Variants in TBC1D5 observed in about 807,000 individuals in gnomAD.
TBC1D5 encodes the protein TBC1 domain family member 5, also known as TBC1 domain family, member 5.
In TBC1D5, 75 loss-of-function variants were observed where a neutral mutation model predicts 100.3. The ratio of observed to expected loss-of-function variants is 0.75; its 90% confidence interval spans 0.62 to 0.91. The LOEUF (loss-of-function observed/expected upper bound fraction) is 0.91. Among genes scored for constraint, TBC1D5 ranks in the 40% least tolerant of loss-of-function variants. TBC1D5 has a pLI of 0.00. For synonymous variants in TBC1D5, 323 were observed against 325.6 expected, an observed-to-expected ratio of 0.99 and a Z score of 0.09; for missense variants, 910 against 942.4, an observed-to-expected ratio of 0.97 and a Z score of 0.45.
chr3:17,445,021 T>A (rs1310806409), intron 3 of TBC1D5, among the ~76,000 whole-genome samples: 1 of 152,070 alleles, frequency 6.6e-6, no homozygotes, highest in Non-Finnish European at 1.5e-5. Flanking sequence ...AGCATCTGCA[T>A]TTTGTAACCC....
chr3:17,462,499 T>C (rs1476166767), intron 3 of TBC1D5, among the ~76,000 whole-genome samples: 1 of 152,036 alleles, frequency 6.6e-6, no homozygotes, highest in African/African-American at 2.4e-5. Context: ...TTTTATTTTT[T>C]TGTAGAGATG....
chr3:17,654,609 A>G (rs897958401), intron 1 of TBC1D5, among the ~76,000 whole-genome samples: 4 of 152,152 alleles, frequency 2.6e-5, no homozygotes, highest in Admixed American at 1.3e-4. Context: ...AAGGATATTG[A>G]TCTAAAATTG....
At chr3:17,293,209 T>C (rs1239655733) in intron 14 of TBC1D5, among the ~76,000 whole-genome samples, 1 of 152,224 alleles carries the variant, frequency 6.6e-6, no homozygotes, top group African/African-American at 2.4e-5. Context: ...CATTTGTTCA[T>C]GTTTTCATAT....
intron 4 of TBC1D5, among the ~76,000 whole-genome samples, chr3:17,414,735 C>T (rs187002123): frequency 2.5e-4 from 38 of 152,230 alleles, no homozygotes; most frequent in African/African-American, 8.4e-4. Context: ...AGGGAACTCA[C>T]GAGTCTCTAA....
intron 13 of TBC1D5, among the ~76,000 whole-genome samples, chr3:17,310,337 C>T (rs902789122): frequency 2.0e-5 from 3 of 152,070 alleles, no homozygotes; most frequent in African/African-American, 4.8e-5. Context: ...AAACTACACA[C>T]AATGCATGTC....
chr3:17,169,955 T>C (rs1161518080), intron 19 of TBC1D5, among the ~76,000 whole-genome samples: 1 of 152,154 alleles, frequency 6.6e-6, no homozygotes, highest in Admixed American at 6.5e-5. Flanking sequence ...CAGTTCACAA[T>C]AGGGTTTGCG....
At chr3:17,265,359 T>C (rs1434365361) in intron 15 of TBC1D5, among the ~76,000 whole-genome samples, 1 of 152,146 alleles carries the variant, frequency 6.6e-6, no homozygotes, top group Non-Finnish European at 1.5e-5. Context: ...TTACTTAGCT[T>C]TCTTTCCCCT....
chr3:17,648,740 C>T (rs2065248045), intron 1 of TBC1D5, among the ~76,000 whole-genome samples: 1 of 152,198 alleles, frequency 6.6e-6, no homozygotes, highest in East Asian at 1.9e-4. Context: ...CTCAGTATCA[C>T]TGATCATTAG....
At chr3:17,442,548 G>T (rs2094688118) in intron 3 of TBC1D5, among the ~76,000 whole-genome samples, 1 of 152,196 alleles carries the variant, frequency 6.6e-6, no homozygotes, top group African/African-American at 2.4e-5. Context: ...GTAGAAGAAG[G>T]CCTGGACATG....
chr3:17,484,400 CATAA>C (rs2095534744), intron 3 of TBC1D5, among the ~76,000 whole-genome samples: 1 of 151,290 alleles, frequency 6.6e-6, no homozygotes, highest in Non-Finnish European at 1.5e-5. Context: ...GGGTAACAAT[CATAA>C]TTACTCAAAG....
At chr3:17,508,416 C>T in intron 3 of TBC1D5, 58 bp downstream of exon 3, 1 of 1,340,506 alleles carries the variant, frequency 7.5e-7, no homozygotes, top group Admixed American at 1.7e-5. Flanking sequence ...TAACTGAGGG[C>T]CCTCTGCTAG....
chr3:17,601,371 C>T (rs1174014965), intron 2 of TBC1D5, among the ~76,000 whole-genome samples: 2 of 152,046 alleles, frequency 1.3e-5, no homozygotes, highest in Non-Finnish European at 1.5e-5. Context: ...ATTAGCCGGG[C>T]GTGGTGGCAC....
intron 1 of TBC1D5, among the ~76,000 whole-genome samples, chr3:17,715,756 G>A (rs2075172028): frequency 6.6e-6 from 1 of 151,990 alleles, no homozygotes; most frequent in South Asian, 2.1e-4. Flanking sequence ...GAGCTATGAT[G>A]GTACCACTGC....
intron 1 of TBC1D5, chr3:17,706,314 C>T: frequency 6.7e-7 from 1 of 1,484,346 alleles, no homozygotes; most frequent in East Asian, 2.5e-5. Context: ...CTGTTCAAAC[C>T]AGAACTGTAT....
chr3:17,177,806 T>C (rs1044295052), intron 19 of TBC1D5, among the ~76,000 whole-genome samples: 1 of 152,202 alleles, frequency 6.6e-6, no homozygotes, highest in Non-Finnish European at 1.5e-5. Context: ...CATCAGATAT[T>C]TTGATACGGG....
rs185830101 is a variant in TBC1D5, at chr3:17,249,282, A to G, written c.1331+9224T>C. On this transcript the variant is annotated intron_variant, in intron 16 of 21. Coordinates refer to ENST00000253692, the Ensembl canonical transcript of TBC1D5. ...CTGCGAGAGATCTAGCTTGCGACCC[A>G]TTTCAGCTTCTGACGTGCCTTCCTA... is the stretch of plus-strand genomic sequence containing the variant. Among the ~76,000 whole-genome samples the G allele has an allele frequency of 7.9e-4, 120 of 152,278 alleles. 2 individuals carry two copies. In the South Asian group the frequency reaches 0.013, roughly 16 times the overall value.
chr3:17,352,468 C>G (rs956575891), intron 13 of TBC1D5, among the ~76,000 whole-genome samples: 2 of 151,520 alleles, frequency 1.3e-5, no homozygotes, highest in African/African-American at 4.8e-5. Context: ...TAAAAATGTT[C>G]TTTACTCTAT....
At chr3:17,514,803 C>G (rs1237620579) in intron 2 of TBC1D5, among the ~76,000 whole-genome samples, 3 of 152,106 alleles carry the variant, frequency 2.0e-5, no homozygotes, top group Non-Finnish European at 4.4e-5. Context: ...TATTCTCATA[C>G]AGTTTCAGAG....
At chr3:17,585,806 T>G (rs1457316200) in intron 2 of TBC1D5, among the ~76,000 whole-genome samples, 2 of 152,222 alleles carry the variant, frequency 1.3e-5, no homozygotes, top group Non-Finnish European at 2.9e-5. Flanking sequence ...AATTTTTGTT[T>G]CGGTTTCATT....
Sources: gnomAD v4.1 joint callset for allele counts (sites outside exome capture counted in the v4.1 genomes callset) on GRCh38, gnomAD v4.1.1 for gene constraint, MANE v1.5 for transcripts, NCBI Gene and HGNC (gene_info 2026-07-23, HGNC 2026-07-21) for gene names.